The following HK2 variants were observed in gnomAD, a reference collection of about 807,000 sequenced individuals.
HK2 encodes the protein hexokinase-2.
HK2 carries 42 observed loss-of-function variants against 92.9 expected under a neutral mutation model. That is an observed-to-expected ratio of 0.45 (90% CI 0.35 to 0.58). The LOEUF is 0.58. HK2 is among the 20% of genes least tolerant of loss of function. HK2 has a pLI of 0.00. For synonymous variants in HK2, 422 were observed against 468.0 expected, an observed-to-expected ratio of 0.90 and a Z score of 1.27; for missense variants, 978 against 1,245.1, an observed-to-expected ratio of 0.79 and a Z score of 3.23.
chr2:74,877,072 T>A, intron 7 of HK2, 94 bp from the exon 8 acceptor site: 1 of 1,513,364 alleles, frequency 6.6e-7, no homozygotes, highest in Non-Finnish European at 9.1e-7. Context: ...CCCTTAGTTG[T>A]GAAGTTGCAC....
At position 74,840,878 on chromosome 2, in the gene HK2, C is replaced by CAAAAAAAAAAA. The variant is rs56344068; in HGVS notation, c.63+6251_63+6261dup. 6.1e-4 allele frequency among the ~76,000 whole-genome samples: 34 copies of CAAAAAAAAAAA among 55,964 alleles called. 1 individual carries two copies. The highest frequency in any genetic ancestry group is 2.7e-3 in the African/African-American group (31 of 11,384). 36.7% of individuals were successfully genotyped at this position (55,964 alleles called of 152,430 possible). A position where few individuals can be genotyped will look rare whatever the true frequency, so the allele number is the denominator to read the frequency against. ...TGGGCGACAGAGCAAGACTCTGTCT[C>CAAAAAAAAAAA]AAAAAAAAAAAAAAAAAAAAAAAAA... On this transcript the variant is annotated intron_variant, in intron 1 of 17. Transcript: ENST00000290573.
intron 2 of HK2, among the ~76,000 whole-genome samples, chr2:74,857,737 T>TA (rs1191191825): frequency 5.9e-5 from 9 of 152,206 alleles, no homozygotes; most frequent in Non-Finnish European, 1.0e-4. Context: ...GGGTATGAGT[T>TA]ATGGAATATG....
chr2:74,836,510 A>G (rs906454108), intron 1 of HK2, among the ~76,000 whole-genome samples: 3 of 152,146 alleles, frequency 2.0e-5, no homozygotes, highest in Non-Finnish European at 4.4e-5. Flanking sequence ...CACTTTATGG[A>G]GTTGCGATTA....
intron 1 of HK2, among the ~76,000 whole-genome samples, chr2:74,845,094 A>G (rs1280405767): frequency 6.6e-6 from 1 of 152,198 alleles, no homozygotes; most frequent in Non-Finnish European, 1.5e-5. Context: ...AACCATTTCA[A>G]GACAAACACT....
intron 1 of HK2, among the ~76,000 whole-genome samples, chr2:74,835,533 G>T (rs1182358058): frequency 6.6e-6 from 1 of 152,158 alleles, no homozygotes; most frequent in Non-Finnish European, 1.5e-5. Flanking sequence ...CGCTCACCGC[G>T]GCCGGGTCAT....
rs1490986353 is a variant in HK2 at position 74,886,609 on chromosome 2, G to C, written c.2155G>C (p.Asp719His). The change falls in exon 15 of 18, where the codon GAT becomes CAT. Residue 719 changes from aspartate (D) to histidine (H), a missense_variant. Transcript: ENST00000290573. Reference sequence around the variant, plus strand: ...GGCCTTCGGGGACAATGGATGCCTAGATGACTTCCGCACAGAATTTGATGT... The same window carrying C: ...GGCCTTCGGGGACAATGGATGCCTACATGACTTCCGCACAGAATTTGATGT... ...WGAFGDNGCL[D>H]DFRTEFDVAV... The C allele has an allele frequency of 6.2e-7, 1 of 1,614,032 alleles. No individual in the cohort carries two copies. The highest frequency in any genetic ancestry group is 1.7e-5 in the Admixed American group (1 of 60,002).
rs143985245 is a variant in HK2, at chr2:74,881,777, G to T, written c.1637G>T (p.Arg546Leu). 1 of 1,614,184 alleles carries T rather than the reference G, an allele frequency of 6.2e-7. No individual in the cohort carries two copies. The highest frequency in any genetic ancestry group is 8.5e-7 in the Non-Finnish European group (1 of 1,180,038). Residue 546 changes from arginine (R) to leucine (L), a missense_variant, in exon 11 of 18, where the codon CGG (arginine) becomes CTG (leucine). This residue lies in a region of HK2 where 742 missense variants were observed against 922.5 expected (regional missense o/e 0.80). Coordinates refer to ENST00000290573, the MANE Select transcript of HK2 (RefSeq NM_000189.5). ...TTCCGGGTCCTGCTGGTCCGTGTTC[G>T]GAATGGGAAGTGGGGTGGAGTGGAG... ...TNFRVLLVRVRNGKWGGVEMH... is the reference protein window; with the variant it reads ...TNFRVLLVRVLNGKWGGVEMH...
In HK2 at chr2:74,873,994, G is replaced by A. The variant is rs1054533456; in HGVS notation, c.691+51G>A. ...CCCGTGCTGGCCAAGGGATGGGGGTGTGGGCTGGAAAGGGAGAAGGGGCCC... is the reference window on the plus strand; with the variant it reads ...CCCGTGCTGGCCAAGGGATGGGGGTATGGGCTGGAAAGGGAGAAGGGGCCC... On this transcript the variant is annotated intron_variant, in intron 6 of 17. Coordinates refer to ENST00000290573, the MANE Select transcript of HK2 (RefSeq NM_000189.5). The A allele has an allele frequency of 2.8e-6, 4 of 1,411,256 alleles. No individual in the cohort carries two copies. The African/African-American group carries it at 4.2e-5, about 15-fold the overall frequency. The allele number at this position is 1,411,256 out of a possible 1,614,324, so 87.4% of individuals were successfully genotyped here.
chr2:74,887,261 C>T (rs960149522), intron 15 of HK2, among the ~76,000 whole-genome samples: 7 of 152,144 alleles, frequency 4.6e-5, no homozygotes, highest in Non-Finnish European at 7.3e-5. Context: ...ACTAAAATGC[C>T]TCTAGGGGCC....
rs1030666398 is a variant in HK2 at position 74,886,593 on chromosome 2, G to A, written c.2139G>A (p.Gly713=). ...MCVNMEWGAF[G]DNGCLDDFRT... is the part of the protein sequence containing the mutation. ...TGAACATGGAATGGGGGGCCTTCGG[G>A]GACAATGGATGCCTAGATGACTTCC... is the stretch of plus-strand genomic sequence containing the variant. Residue 713 remains glycine, a synonymous_variant, in exon 15 of 18, where the codon GGG becomes GGA. Coordinates refer to ENST00000290573, the MANE Select transcript of HK2 (RefSeq NM_000189.5). The A allele has an allele frequency of 4.3e-6, 7 of 1,614,006 alleles. No individual in the cohort carries two copies. The South Asian group carries it at 6.6e-5, about 15-fold the overall frequency.
chr2:74,886,717 G>GATGGC (rs1386883284), intron 15 of HK2, 44 bp downstream of exon 15: 1 of 1,594,968 alleles, frequency 6.3e-7, no homozygotes, highest in Admixed American at 1.7e-5. Flanking sequence ...CCCAGGACTG[G>GATGGC]ATGGCAACAA....
rs1404408398 is a variant in HK2 at position 74,882,113 on chromosome 2, C to T, written c.1720-7C>T. 1 of 1,613,988 alleles carries T rather than the reference C, an allele frequency of 6.2e-7. No homozygotes were observed. The highest frequency in any genetic ancestry group is 1.3e-5 in the African/African-American group (1 of 74,942). On this transcript the variant is annotated splice_region_variant and splice_polypyrimidine_tract_variant and intron_variant, in intron 11 of 17. Coordinates refer to ENST00000290573, the MANE Select transcript of HK2 (RefSeq NM_000189.5). The stretch of plus-strand genomic sequence containing the variant: ...CCCTCCCTCAGTGTCCTAACTTCTC[C>T]CTGCAGCTCTTTGACCACATTGTCC...
chr2:74,886,066 G>A (rs1226688244), intron 13 of HK2, among the ~76,000 whole-genome samples: 1 of 152,066 alleles, frequency 6.6e-6, no homozygotes, highest in Non-Finnish European at 1.5e-5. Context: ...GAAGTGGGGT[G>A]AGGAGAGCAG....
intron 3 of HK2, among the ~76,000 whole-genome samples, 159 bp from the exon 4 acceptor site, chr2:74,872,141 A>G (rs1689113056): frequency 6.6e-6 from 1 of 152,212 alleles, no homozygotes; most frequent in Non-Finnish European, 1.5e-5. Context: ...GGACAGGTCC[A>G]GTTATAATTC....
chr2:74,861,379 TG>T (rs1476552651), intron 2 of HK2, among the ~76,000 whole-genome samples: 7 of 150,824 alleles, frequency 4.6e-5, no homozygotes, highest in African/African-American at 1.7e-4. Flanking sequence ...GAGATCATGC[TG>T]CTGCACTCCA....
intron 13 of HK2, 36 bp downstream of exon 13, chr2:74,885,625 C>T (rs377674455): frequency 7.6e-7 from 1 of 1,323,102 alleles, no homozygotes; most frequent in African/African-American, 1.4e-5. Flanking sequence ...GATGTGTCAG[C>T]TCCTCAATGA....
chr2:74,868,546 G>A (rs141926893), intron 3 of HK2, among the ~76,000 whole-genome samples: 77 of 152,280 alleles, frequency 5.1e-4, no homozygotes, highest in African/African-American at 1.8e-3. Context: ...TAGTGCTGGT[G>A]CATAATCTAG....
chr2:74,877,481 T>C (rs1573384040), intron 8 of HK2, among the ~76,000 whole-genome samples, 160 bp downstream of exon 8: 1 of 152,268 alleles, frequency 6.6e-6, no homozygotes, highest in South Asian at 2.1e-4. Context: ...TTCACTTCAC[T>C]TACCAGTCTC....
intron 1 of HK2, among the ~76,000 whole-genome samples, chr2:74,848,371 CA>C (rs1269121249): frequency 6.6e-6 from 1 of 152,216 alleles, no homozygotes; most frequent in African/African-American, 2.4e-5. Flanking sequence ...ATATTAATCA[CA>C]AAATTTACCA....
Sources: allele counts gnomAD v4.1 joint callset (sites outside exome capture counted in the v4.1 genomes callset), GRCh38; gene constraint gnomAD v4.1.1; regional missense constraint gnomAD v4.1.1; transcripts MANE v1.5; gene names NCBI Gene and HGNC (gene_info 2026-07-23, HGNC 2026-07-21).